The following SLC18A1 variants were observed in gnomAD, a reference collection of about 807,000 sequenced individuals.
SLC18A1 encodes the protein chromaffin granule amine transporter.
In SLC18A1, 69 loss-of-function variants were observed where a neutral mutation model predicts 53.7. That is an observed-to-expected ratio of 1.28 (90% CI 1.06 to 1.57). SLC18A1 has a LOEUF of 1.57. Among genes scored for constraint, SLC18A1 ranks in the 40% most tolerant of loss-of-function variants. SLC18A1 has a pLI of 0.00. For synonymous variants in SLC18A1, 320 were observed against 248.1 expected (o/e 1.29, Z -2.72); for missense variants, 932 against 668.1 (o/e 1.40, Z -4.35).
Position 20,147,269 on chromosome 8 carries a change from C to T in SLC18A1, c.1453G>A (p.Glu485Lys). 1 of 1,603,522 alleles carries T rather than the reference C, an allele frequency of 6.2e-7. No homozygotes were observed. ...CYYLRSPPAK[E>K]EKLAILSQDC... The stretch of plus-strand genomic sequence containing the variant: ...TCGGTGCTCCTTACAAGCTTCTCTT[C>T]CTTTGCCGGGGGGCTCCGCAGGTAG... Residue 485 changes from glutamate to lysine, a missense_variant, in exon 15 of 16, where the codon GAA becomes AAA. Glu to Lys is a moderately conservative substitution (Grantham distance 56). Coordinates refer to ENST00000276373, the MANE Select transcript of SLC18A1 (RefSeq NM_003053.4).
intron 8 of SLC18A1, among the ~76,000 whole-genome samples, chr8:20,166,720 T>C (rs1253712185): frequency 3.3e-5 from 5 of 152,130 alleles, no homozygotes; most frequent in Non-Finnish European, 5.9e-5. Context: ...TCCCCCCACC[T>C]TAGTCAAATT....
chr8:20,167,145 A>AAC (rs1488894215), intron 8 of SLC18A1, among the ~76,000 whole-genome samples: 2 of 151,918 alleles, frequency 1.3e-5, no homozygotes, highest in African/African-American at 4.8e-5. Flanking sequence ...AAAAAAAAAA[A>AAC]CCCCACAAAT....
At chr8:20,166,276 G>GGTGTGTGTGTGT (rs141519804) in intron 8 of SLC18A1, among the ~76,000 whole-genome samples, 1 of 60,740 alleles carries the variant, frequency 1.6e-5, no homozygotes, top group South Asian at 5.7e-4. Context: ...ATTGTGTGTG[G>GGTGTGTGTGTGT]GTGTGTGTGT....
intron 10 of SLC18A1, among the ~76,000 whole-genome samples, chr8:20,163,826 C>A (rs2071888080): frequency 6.6e-6 from 1 of 152,154 alleles, no homozygotes; most frequent in Non-Finnish European, 1.5e-5. Context: ...AACTGAGTGA[C>A]TGGTAACTGA....
chr8:20,148,383 A>T, intron 12 of SLC18A1: 2 of 1,093,446 alleles, frequency 1.8e-6, no homozygotes, highest in Non-Finnish European at 2.5e-6. Context: ...TGTTCCATGG[A>T]TACTTTCTCC....
At chr8:20,149,440 G>A (rs1289970990) in intron 12 of SLC18A1, among the ~76,000 whole-genome samples, 1 of 151,966 alleles carries the variant, frequency 6.6e-6, no homozygotes, top group East Asian at 1.9e-4. Flanking sequence ...CCCCTCAAAG[G>A]AAAGCCACTG....
intron 1 of SLC18A1, among the ~76,000 whole-genome samples, chr8:20,182,363 A>C (rs1372661771): frequency 1.3e-5 from 2 of 152,238 alleles, no homozygotes; most frequent in Non-Finnish European, 2.9e-5. Context: ...AAATAATTTT[A>C]ATGATACAGA....
intron 15 of SLC18A1, among the ~76,000 whole-genome samples, chr8:20,146,586 G>A (rs1460908856): frequency 6.6e-6 from 1 of 152,110 alleles, no homozygotes; most frequent in Non-Finnish European, 1.5e-5. Flanking sequence ...CCTATGGTAT[G>A]GATCTCTTCC....
chr8:20,145,895 A>G lies in SLC18A1; in HGVS notation c.1465-19T>C. The stretch of plus-strand genomic sequence containing the variant: ...GAATAGCCTGCAGAGAGAGGCAAGA[A>G]GAGAAGCCACTGCACATTATTATCA... On this transcript the variant is annotated intron_variant, in intron 15 of 15. Coordinates refer to ENST00000276373, the MANE Select transcript of SLC18A1 (RefSeq NM_003053.4). The G allele has an allele frequency of 6.8e-7, 1 of 1,465,094 alleles. No individual in the cohort carries two copies. The highest frequency in any genetic ancestry group is 1.9e-5 in the Admixed American group (1 of 51,388). The allele number at this position is 1,465,094 out of a possible 1,614,324, so 90.8% of individuals were successfully genotyped here. A position where few individuals can be genotyped will look rare whatever the true frequency, so the allele number is the denominator to read the frequency against.
chr8:20,147,208 A>T, intron 15 of SLC18A1, 50 bp downstream of exon 15: 3 of 1,556,618 alleles, frequency 1.9e-6, no homozygotes, highest in Non-Finnish European at 2.6e-6. Context: ...GAGAGAGATG[A>T]TGGAAAGAAA....
In SLC18A1 at chr8:20,145,178, C is replaced by T. The variant is rs2071362769; in HGVS notation, c.*585G>A. ...TGAGGGTAAAGCCCTTTTAGCAGCT[C>T]TAGATTTAGCCACAGAAAAATCACT... is the stretch of plus-strand genomic sequence containing the variant. On this transcript the variant is annotated 3_prime_UTR_variant, in exon 16 of 16. Coordinates refer to ENST00000276373, the MANE Select transcript of SLC18A1 (RefSeq NM_003053.4). 1 of 150,950 alleles carries T rather than the reference C, an allele frequency of 6.6e-6. No individual in the cohort carries two copies. Among genetic ancestry groups the T allele is most frequent in the African/African-American group, 2.4e-5 (1 of 40,898 alleles). 9.4% of individuals were successfully genotyped at this position (150,950 alleles called of 1,614,324 possible).
intron 10 of SLC18A1, among the ~76,000 whole-genome samples, chr8:20,163,631 G>A (rs2071884380): frequency 6.6e-6 from 1 of 152,146 alleles, no homozygotes; most frequent in Non-Finnish European, 1.5e-5. Flanking sequence ...TCACTGACCA[G>A]CTATATTAGC....
chr8:20,178,585 C>CACCCAAAT, intron 3 of SLC18A1, 92 bp from the exon 4 acceptor site: 1 of 888,370 alleles, frequency 1.1e-6, no homozygotes, highest in Non-Finnish European at 1.8e-6. Flanking sequence ...AGCAGAAATG[C>CACCCAAAT]AGCTATTTGG....
chr8:20,170,833 A>ATG (rs1183170983), intron 8 of SLC18A1, among the ~76,000 whole-genome samples: 31 of 98,510 alleles, frequency 3.1e-4, no homozygotes, highest in Non-Finnish European at 7.5e-4. Flanking sequence ...TATGTGTCGA[A>ATG]TATATAGATA....
chr8:20,171,957 G>C (rs547793914), intron 6 of SLC18A1, among the ~76,000 whole-genome samples: 19 of 152,218 alleles, frequency 1.2e-4, no homozygotes, highest in Non-Finnish European at 2.4e-4. Context: ...TGTTAGCAGA[G>C]TATGAATATT....
intron 10 of SLC18A1, among the ~76,000 whole-genome samples, chr8:20,159,222 C>T (rs1208967086): frequency 6.6e-6 from 1 of 152,134 alleles, no homozygotes; most frequent in Non-Finnish European, 1.5e-5. Context: ...CCCTACTATG[C>T]CCCAGTTCGG....
In SLC18A1 at chr8:20,179,196, C is replaced by A. The variant is rs148468662; in HGVS notation, c.413G>T (p.Arg138Leu). 3.9e-4 allele frequency: 625 copies of A among 1,614,154 alleles called. 2 individuals are homozygous for A. Among genetic ancestry groups the A allele is most frequent in the Non-Finnish European group, 4.6e-4 (539 of 1,180,028 alleles). ...GTGFLEEEIT[R>L]VGVLFASKAV... ...CTTTGAAGCAAACAGAACCCCGACC[C>A]GGGTAATCTCTTCCTCCAAGAAACC... The change falls in exon 3 of 16, where the codon CGG (arginine) becomes CTG (leucine). Residue 138 changes from arginine (R) to leucine (L), a missense_variant. Physicochemically the swap from Arg to Leu is moderately radical, Grantham distance 102. Coordinates refer to ENST00000276373, the MANE Select transcript of SLC18A1 (RefSeq NM_003053.4).
At chr8:20,167,606 GTTTTTTGTT>G (rs554014850) in intron 8 of SLC18A1, among the ~76,000 whole-genome samples, 86 of 151,900 alleles carry the variant, frequency 5.7e-4, no homozygotes, top group African/African-American at 1.4e-3. Context: ...AGTCCCCATA[GTTTTTTGTT>G]TTTTTTGTTT....
At chr8:20,147,969 T>C (rs779284162) in intron 13 of SLC18A1, 38 bp downstream of exon 13, 2 of 1,605,592 alleles carry the variant, frequency 1.2e-6, no homozygotes, top group African/African-American at 1.3e-5. Context: ...AAAGCCAACA[T>C]GCAGGGGCTT....
Sources: gnomAD v4.1 joint callset for allele counts (sites outside exome capture counted in the v4.1 genomes callset) on GRCh38, gnomAD v4.1.1 for gene constraint, MANE v1.5 for transcripts, NCBI Gene and HGNC (gene_info 2026-07-23, HGNC 2026-07-21) for gene names.